Variants in EPHB1 observed in about 807,000 individuals in gnomAD.
EPHB1 encodes the protein EPH receptor B1.
Under a neutral mutation model 94.4 loss-of-function variants are expected in EPHB1, and 30 were observed. The observed-to-expected ratio is 0.32, with a 90% confidence interval of 0.24 to 0.43. The LOEUF (loss-of-function observed/expected upper bound fraction) is 0.43. EPHB1 is among the 20% of genes least tolerant of loss of function. The pLI is 1.00. For missense variants in EPHB1, 1,055 were observed against 1,308.3 expected (o/e 0.81, Z 2.99); for synonymous variants, 522 against 489.1 (o/e 1.07, Z -0.89).
intron 6 of EPHB1, among the ~76,000 whole-genome samples, chr3:135,154,884 G>T (rs1359991696): frequency 6.6e-6 from 1 of 152,162 alleles, no homozygotes; most frequent in Non-Finnish European, 1.5e-5. Flanking sequence ...GGTGCCTGGT[G>T]GAGCTGGTCC....
chr3:134,834,865 G>C (rs35462449), intron 1 of EPHB1, among the ~76,000 whole-genome samples: 2 of 152,194 alleles, frequency 1.3e-5, no homozygotes, highest in African/African-American at 4.8e-5. Context: ...TTCAGTGTCA[G>C]ACCTTGACAG....
At chr3:135,125,813 C>T (rs1198074370) in intron 4 of EPHB1, among the ~76,000 whole-genome samples, 1 of 152,126 alleles carries the variant, frequency 6.6e-6, no homozygotes, top group South Asian at 2.1e-4. Context: ...ACCAGCCTGA[C>T]TTTTTTCCCT....
intron 1 of EPHB1, among the ~76,000 whole-genome samples, 181 bp from the exon 2 acceptor site, chr3:134,925,635 G>A (rs559256926): frequency 2.0e-5 from 3 of 152,170 alleles, no homozygotes; most frequent in South Asian, 2.1e-4. Flanking sequence ...TAATCTTGGC[G>A]GGCTTCTTTT....
chr3:134,813,089 G>C (rs1322482745), intron 1 of EPHB1, among the ~76,000 whole-genome samples: 1 of 152,176 alleles, frequency 6.6e-6, no homozygotes. Flanking sequence ...CCTGGAAGTG[G>C]GGAAGAGTGG....
At chr3:134,939,072 A>G (rs1429025968) in intron 2 of EPHB1, among the ~76,000 whole-genome samples, 1 of 152,120 alleles carries the variant, frequency 6.6e-6, no homozygotes. Context: ...TGACCTTGTT[A>G]CAGTATTATC....
rs191916663 is a variant in EPHB1, at chr3:134,987,975, C to T, written c.805+35923C>T. ...TTAATGGCAGCCTAAGCAGACTATA[C>T]AACAGCCCTATGGGTATATACTTTT... On this transcript the variant is annotated intron_variant, in intron 3 of 15. Transcript: ENST00000398015. 5.9e-4 allele frequency among the ~76,000 whole-genome samples: 90 copies of T among 152,274 alleles called. 2 individuals carry two copies. In the East Asian group the frequency reaches 0.016, roughly 27 times the overall value.
intron 1 of EPHB1, among the ~76,000 whole-genome samples, chr3:134,896,137 T>C (rs1220205152): frequency 1.3e-5 from 2 of 152,176 alleles, no homozygotes; most frequent in East Asian, 1.9e-4. Flanking sequence ...TATTGTGGCA[T>C]GTTGAGGCCA....
At chr3:134,912,783 G>A (rs774249523) in intron 1 of EPHB1, among the ~76,000 whole-genome samples, 31 of 152,222 alleles carry the variant, frequency 2.0e-4, no homozygotes, top group Non-Finnish European at 2.2e-4. Context: ...GCCTACAGAT[G>A]TTTGATGCTG....
At chr3:135,131,657 C>T (rs1010917890) in intron 4 of EPHB1, among the ~76,000 whole-genome samples, 5 of 152,248 alleles carry the variant, frequency 3.3e-5, no homozygotes, top group South Asian at 4.2e-4. Flanking sequence ...GCATTGTGGC[C>T]GTTAATTCAG....
intron 3 of EPHB1, among the ~76,000 whole-genome samples, chr3:134,987,864 C>G (rs1282581333): frequency 6.6e-6 from 1 of 152,032 alleles, no homozygotes; most frequent in Non-Finnish European, 1.5e-5. Context: ...AGAAAACAGC[C>G]CTGCTGATAC....
At chr3:134,834,606 T>G (rs558957867) in intron 1 of EPHB1, among the ~76,000 whole-genome samples, 95 of 152,328 alleles carry the variant, frequency 6.2e-4, no homozygotes, top group African/African-American at 2.2e-3. Flanking sequence ...TCTTTTTATG[T>G]TCAGGACATG....
intron 3 of EPHB1, among the ~76,000 whole-genome samples, chr3:134,959,966 CTTTTTTTTT>C (rs61369813): frequency 5.6e-5 from 6 of 107,374 alleles, no homozygotes; most frequent in Admixed American, 2.1e-4. Flanking sequence ...ACATCTGCAC[CTTTTTTTTT>C]TTTTTTTTTT....
At chr3:135,177,238 A>T (rs1942005915) in intron 9 of EPHB1, among the ~76,000 whole-genome samples, 1 of 152,122 alleles carries the variant, frequency 6.6e-6, no homozygotes, top group South Asian at 2.1e-4. Context: ...CCCTGACCTC[A>T]CCTGTGGGTC....
At chr3:135,115,643 G>A (rs2107803514) in intron 4 of EPHB1, among the ~76,000 whole-genome samples, 1 of 152,186 alleles carries the variant, frequency 6.6e-6, no homozygotes, top group Non-Finnish European at 1.5e-5. Flanking sequence ...AGTGGTAAGA[G>A]CCCTACTGTG....
intron 1 of EPHB1, among the ~76,000 whole-genome samples, chr3:134,921,911 T>C (rs916321395): frequency 6.6e-6 from 1 of 151,450 alleles, no homozygotes; most frequent in South Asian, 2.1e-4. Flanking sequence ...ACGGGGGAGG[T>C]TGTATGACAC....
rs146118638 is a variant in EPHB1 at position 134,836,563 on chromosome 3, C to T, written c.58+40874C>T. On this transcript the variant is annotated intron_variant, in intron 1 of 15. Transcript: ENST00000398015. ...AAACTACACTTCATTAGGTAAATAA[C>T]GGATAACAGAAATAATAGACACTTA... Among the ~76,000 whole-genome samples the T allele has an allele frequency of 1.4e-3, 217 of 152,160 alleles. No individual in the cohort carries two copies. The East Asian group carries it at 0.017, about 12-fold the overall frequency.
intron 1 of EPHB1, among the ~76,000 whole-genome samples, chr3:134,802,797 C>G (rs2035959806): frequency 6.6e-6 from 1 of 152,188 alleles, no homozygotes; most frequent in Non-Finnish European, 1.5e-5. Context: ...TGCTCCCAGC[C>G]TTCTAGGGCA....
chr3:134,912,037 C>T (rs1228136537), intron 1 of EPHB1, among the ~76,000 whole-genome samples: 4 of 152,192 alleles, frequency 2.6e-5, no homozygotes, highest in Non-Finnish European at 4.4e-5. Flanking sequence ...CAGATGGCAG[C>T]GTATTCCTTC....
intron 1 of EPHB1, among the ~76,000 whole-genome samples, chr3:134,819,855 T>G (rs2036348036): frequency 6.6e-6 from 1 of 152,180 alleles, no homozygotes; most frequent in Non-Finnish European, 1.5e-5. Context: ...ATCCCATACT[T>G]CTTGCTCTTC....
Sources: gnomAD v4.1 joint callset for allele counts (sites outside exome capture counted in the v4.1 genomes callset) on GRCh38, gnomAD v4.1.1 for gene constraint, MANE v1.5 for transcripts, NCBI Gene and HGNC (gene_info 2026-07-23, HGNC 2026-07-21) for gene names.